ZBTB20: variants seen among roughly 807,000 people sequenced by gnomAD.
ZBTB20 encodes zinc finger and BTB domain-containing protein 20.
Under a neutral mutation model 56.9 loss-of-function variants are expected in ZBTB20, and 9 were observed. The ratio of observed to expected loss-of-function variants is 0.16; its 90% confidence interval spans 0.10 to 0.28. The LOEUF is 0.28. Ranked by LOEUF, ZBTB20 falls within the 10% of genes least tolerant of loss-of-function variation. ZBTB20 has a pLI of 1.00. For synonymous variants in ZBTB20, 417 were observed against 420.7 expected (o/e 0.99, Z 0.11); for missense variants, 655 against 1,003.0 (o/e 0.65, Z 4.69).
At chr3:115,057,763 G>A (rs191052580) in intron 2 of ZBTB20, among the ~76,000 whole-genome samples, 3 of 151,988 alleles carry the variant, frequency 2.0e-5, no homozygotes, top group Admixed American at 2.0e-4. Context: ...CAGCTTTTAT[G>A]TCCCCAAAAG....
At chr3:115,037,720 T>C (rs1308710581) in intron 2 of ZBTB20, among the ~76,000 whole-genome samples, 2 of 152,138 alleles carry the variant, frequency 1.3e-5, no homozygotes, top group Admixed American at 1.3e-4. Flanking sequence ...AACAAGTTAG[T>C]AGTCTATAAG....
intron 6 of ZBTB20, among the ~76,000 whole-genome samples, chr3:114,526,280 T>C (rs1250603067): frequency 2.0e-5 from 3 of 152,166 alleles, no homozygotes; most frequent in Non-Finnish European, 4.4e-5. Context: ...TATGAATAAA[T>C]GACACAATGC....
At chr3:114,422,624 A>G (rs1380901171) in intron 7 of ZBTB20, among the ~76,000 whole-genome samples, 2 of 152,192 alleles carry the variant, frequency 1.3e-5, no homozygotes, top group Admixed American at 1.3e-4. Flanking sequence ...GAAATGCATT[A>G]AAATCAAACT....
chr3:114,392,449 A>G (rs1187201001), intron 7 of ZBTB20, among the ~76,000 whole-genome samples: 1 of 152,222 alleles, frequency 6.6e-6, no homozygotes, highest in East Asian at 1.9e-4. Context: ...AATGTTAAAA[A>G]TACCACTGGG....
At chr3:114,989,931 G>A (rs574749531) in intron 2 of ZBTB20, among the ~76,000 whole-genome samples, 3 of 152,236 alleles carry the variant, frequency 2.0e-5, no homozygotes, top group South Asian at 2.1e-4. Context: ...AAGAATGTTC[G>A]TGATTTTTGC....
chr3:114,672,676 T>G (rs1306730932), intron 6 of ZBTB20, among the ~76,000 whole-genome samples: 1 of 152,176 alleles, frequency 6.6e-6, no homozygotes, highest in Non-Finnish European at 1.5e-5. Context: ...TTGTATTGGC[T>G]TCTCTGTTTT....
chr3:114,507,788 T>C (rs1449244422), intron 6 of ZBTB20, among the ~76,000 whole-genome samples: 1 of 152,124 alleles, frequency 6.6e-6, no homozygotes, highest in South Asian at 2.1e-4. Context: ...CTAAAAATTA[T>C]ACAGAATCAC....
At chr3:115,136,266 C>G (rs557296896) in intron 1 of ZBTB20, among the ~76,000 whole-genome samples, 1 of 151,988 alleles carries the variant, frequency 6.6e-6, no homozygotes. Flanking sequence ...CAGGGAAAGT[C>G]TATAATAGGT....
chr3:114,914,831 A>T (rs1194409303), intron 3 of ZBTB20, among the ~76,000 whole-genome samples: 1 of 151,686 alleles, frequency 6.6e-6, no homozygotes, highest in Non-Finnish European at 1.5e-5. Flanking sequence ...AAATAATCAT[A>T]TGGTTCTTGT....
intron 3 of ZBTB20, among the ~76,000 whole-genome samples, chr3:114,931,942 G>A (rs564152546): frequency 1.3e-5 from 2 of 152,174 alleles, no homozygotes; most frequent in African/African-American, 4.8e-5. Flanking sequence ...AGTGAGGTTC[G>A]AAAATCCTTA....
intron 5 of ZBTB20, among the ~76,000 whole-genome samples, chr3:114,699,439 C>G (rs1193351265): frequency 2.0e-5 from 3 of 151,322 alleles, no homozygotes; most frequent in Non-Finnish European, 4.4e-5. Context: ...CTTGGTTAAA[C>G]AGTTTTTTTT....
At chr3:114,926,361 G>A (rs780613627) in intron 3 of ZBTB20, among the ~76,000 whole-genome samples, 2 of 152,094 alleles carry the variant, frequency 1.3e-5, no homozygotes, top group African/African-American at 2.4e-5. Flanking sequence ...ATTGTGTTTT[G>A]TTATGCTTTG....
At position 114,964,017 on chromosome 3, in the gene ZBTB20, A is replaced by T. The variant is rs552206001; in HGVS notation, c.-456+10349T>A. Among the ~76,000 whole-genome samples the T allele has an allele frequency of 1.9e-4, 29 of 152,334 alleles. No individual in the cohort carries two copies. The South Asian group carries it at 4.8e-3, about 25-fold the overall frequency. On this transcript the variant is annotated intron_variant, in intron 3 of 11. Transcript: ENST00000675478. ...CCATTCATAGTCTAATCAATTTAGT[A>T]AACATTTATTGAGTAAATACTTTGA...
intron 6 of ZBTB20, among the ~76,000 whole-genome samples, chr3:114,562,430 T>A (rs529330202): frequency 1.3e-5 from 2 of 152,318 alleles, no homozygotes; most frequent in African/African-American, 4.8e-5. Context: ...CCAAAAGTGC[T>A]GGGATTACAG....
At chr3:115,077,013 C>A (rs567553311) in intron 1 of ZBTB20, among the ~76,000 whole-genome samples, 1 of 152,154 alleles carries the variant, frequency 6.6e-6, no homozygotes, top group Non-Finnish European at 1.5e-5. Flanking sequence ...AGAGCTCAGG[C>A]GGTAATGCTC....
intron 5 of ZBTB20, among the ~76,000 whole-genome samples, chr3:114,699,663 C>CA: frequency 6.6e-6 from 1 of 152,220 alleles, no homozygotes; most frequent in African/African-American, 2.4e-5. Context: ...AGATATTAGT[C>CA]AAAACCTTCA....
At chr3:114,891,504 T>C (rs1352242365) in intron 4 of ZBTB20, among the ~76,000 whole-genome samples, 1 of 152,220 alleles carries the variant, frequency 6.6e-6, no homozygotes, top group African/African-American at 2.4e-5. Flanking sequence ...ATTTTAGAAT[T>C]CACTCTTATT....
At chr3:115,085,664 T>C (rs1392344918) in intron 1 of ZBTB20, among the ~76,000 whole-genome samples, 5 of 151,964 alleles carry the variant, frequency 3.3e-5, no homozygotes, top group Admixed American at 3.3e-4. Context: ...AAGAGTTGTG[T>C]GCATTCAGGA....
At chr3:114,611,227 TTCTC>T (rs1363601139) in intron 6 of ZBTB20, among the ~76,000 whole-genome samples, 2 of 151,876 alleles carry the variant, frequency 1.3e-5, no homozygotes, top group Non-Finnish European at 2.9e-5. Flanking sequence ...AGAAGAAGAG[TTCTC>T]TCTATTTTCA....
Sources: allele counts gnomAD v4.1 joint callset (sites outside exome capture counted in the v4.1 genomes callset), GRCh38; gene constraint gnomAD v4.1.1; transcripts MANE v1.5; gene names NCBI Gene and HGNC (gene_info 2026-07-23, HGNC 2026-07-21).